The following DAPK2 variants were observed in gnomAD, a reference collection of about 807,000 sequenced individuals.
The protein encoded by DAPK2 is death associated protein kinase 2.
In DAPK2, 35 loss-of-function variants were observed where a neutral mutation model predicts 44.1. The observed-to-expected ratio is 0.79, with a 90% CI of 0.61 to 1.05. The LOEUF is 1.05. Among genes scored for constraint, DAPK2 ranks in the 50% least tolerant of loss-of-function variants. The pLI is 0.00. For synonymous variants in DAPK2, 174 were observed against 182.6 expected (o/e 0.95, Z 0.38); for missense variants, 453 against 483.2 (o/e 0.94, Z 0.59).
chr15:63,914,682 T>A (rs1024224962), intron 8 of DAPK2, among the ~76,000 whole-genome samples: 2 of 152,120 alleles, frequency 1.3e-5, no homozygotes, highest in African/African-American at 4.8e-5. Context: ...TTTCTACCTC[T>A]CTGCTTCCTG....
upstream of DAPK2, among the ~76,000 whole-genome samples, chr15:64,042,490 C>G (rs551560843): frequency 1.3e-3 from 193 of 152,294 alleles, no homozygotes; most frequent in Non-Finnish European, 2.2e-3. The surrounding 1 kb of genome is among the most constrained non-coding windows in gnomAD (Gnocchi z 4.7). Context: ...GTCCCAGGAA[C>G]AGCTAAGATC....
intron 1 of DAPK2, among the ~76,000 whole-genome samples, chr15:64,001,498 G>A (rs781689122): frequency 5.3e-5 from 8 of 152,134 alleles, no homozygotes; most frequent in African/African-American, 9.7e-5. Context: ...CACTTGAGGA[G>A]GATGGGAAGG....
chr15:64,012,281 C>G lies in DAPK2; in HGVS notation c.92+27889G>C, dbSNP rs538673968. ...TTTATCAAACATTCAGTAAAATAGT[C>G]TACGTGGCTTATATGCCACATGCAT... On this transcript the variant is annotated intron_variant, in intron 1 of 10. Transcript: ENST00000261891. Among the ~76,000 whole-genome samples the G allele has an allele frequency of 5.9e-5, 9 of 152,318 alleles. No individual in the cohort carries two copies. The South Asian group carries it at 1.9e-3, about 32-fold the overall frequency.
At chr15:64,004,952 A>C (rs2079186994) in intron 1 of DAPK2, among the ~76,000 whole-genome samples, 2 of 152,154 alleles carry the variant, frequency 1.3e-5, no homozygotes, top group African/African-American at 4.8e-5. Context: ...CTTTGAGATG[A>C]AGGTTTTCAT....
chr15:63,987,876 TC>T (rs1178084413), intron 1 of DAPK2, among the ~76,000 whole-genome samples: 3 of 152,106 alleles, frequency 2.0e-5, no homozygotes, highest in Non-Finnish European at 2.9e-5. Context: ...TCCTTCTTTG[TC>T]ACATGGGGAT....
At chr15:63,949,995 C>G (rs745990503) in intron 3 of DAPK2, among the ~76,000 whole-genome samples, 1 of 152,184 alleles carries the variant, frequency 6.6e-6, no homozygotes, top group African/African-American at 2.4e-5. Context: ...GCTGTGACTG[C>G]TGATAGAAAC....
intron 6 of DAPK2, among the ~76,000 whole-genome samples, chr15:63,927,500 C>T (rs1163831532): frequency 4.6e-5 from 7 of 152,300 alleles, no homozygotes; most frequent in African/African-American, 1.7e-4. Context: ...AAACCAGTGG[C>T]TCCCCATCTG....
chr15:63,971,870 T>C (rs939819056), intron 2 of DAPK2, among the ~76,000 whole-genome samples: 3 of 152,236 alleles, frequency 2.0e-5, no homozygotes, highest in East Asian at 1.9e-4. Flanking sequence ...TCCATATGCC[T>C]GAGATGGCAG....
chr15:63,925,814 G>C (rs1279644372), intron 7 of DAPK2, 127 bp downstream of exon 8: 5 of 1,223,082 alleles, frequency 4.1e-6, no homozygotes, highest in Non-Finnish European at 5.8e-6. Flanking sequence ...TCCAGCACCT[G>C]CCCGGATTAG....
intron 1 of DAPK2, among the ~76,000 whole-genome samples, chr15:64,008,682 G>A (rs2079304740): frequency 6.6e-6 from 1 of 152,252 alleles, no homozygotes; most frequent in South Asian, 2.1e-4. Context: ...CAAATGATAT[G>A]TATGGTTTGA....
chr15:64,036,271 A>G (rs866033259), intron 1 of DAPK2, among the ~76,000 whole-genome samples: 42 of 85,338 alleles, frequency 4.9e-4, no homozygotes, highest in Admixed American at 1.1e-3. Flanking sequence ...AAATATATAT[A>G]TATGTGTGTG....
intron 3 of DAPK2, among the ~76,000 whole-genome samples, chr15:63,946,779 C>T (rs1334190379): frequency 1.3e-5 from 2 of 152,176 alleles, no homozygotes; most frequent in African/African-American, 2.4e-5. Context: ...CTGCTCTGCT[C>T]AGCAAAGCAG....
intron 3 of DAPK2, among the ~76,000 whole-genome samples, chr15:63,965,711 G>A (rs2140681327): frequency 6.6e-6 from 1 of 152,268 alleles, no homozygotes; most frequent in South Asian, 2.1e-4. Flanking sequence ...ACAAGCGGAG[G>A]CATCTCCCCC....
intron 1 of DAPK2, among the ~76,000 whole-genome samples, chr15:64,018,690 T>A (rs1045668390): frequency 6.6e-6 from 1 of 152,200 alleles, no homozygotes; most frequent in Non-Finnish European, 1.5e-5. Context: ...AAGGCCAGGA[T>A]CCTACCTGTA....
chr15:63,984,509 G>T (rs1376605612), intron 1 of DAPK2, among the ~76,000 whole-genome samples: 1 of 152,152 alleles, frequency 6.6e-6, no homozygotes, highest in East Asian at 1.9e-4. Context: ...TTCCCTGAGT[G>T]CTCCAGGGGC....
Position 63,924,888 on chromosome 15 carries a change from T to A in DAPK2, c.813-27A>T, listed in dbSNP as rs758367811. Reference sequence around the variant, plus strand: ...TGCAATGAGGATTGGGAAACAGTGATGATCCATGAGGACAGAAGTTGGGAG... The same window carrying A: ...TGCAATGAGGATTGGGAAACAGTGAAGATCCATGAGGACAGAAGTTGGGAG... On this transcript the variant is annotated intron_variant, in intron 7 of 10. Coordinates refer to ENST00000261891, the Ensembl canonical transcript of DAPK2. The A allele has an allele frequency of 3.7e-6, 6 of 1,613,582 alleles. No homozygotes were observed. The Admixed American group carries it at 6.7e-5, about 18-fold the overall frequency.
intron 7 of DAPK2, 95 bp downstream of exon 8, chr15:63,925,846 G>A (rs2079241908): frequency 6.7e-7 from 1 of 1,493,688 alleles, no homozygotes; most frequent in East Asian, 2.3e-5. Context: ...GCAGATGACA[G>A]CTATGTCAAA....
chr15:64,023,655 G>A (rs1167777360), intron 1 of DAPK2, among the ~76,000 whole-genome samples: 1 of 152,178 alleles, frequency 6.6e-6, no homozygotes, highest in African/African-American at 2.4e-5. Flanking sequence ...AAATACTGAT[G>A]CCAGGGCCTC....
chr15:63,985,154 G>A (rs1164146913), intron 1 of DAPK2, among the ~76,000 whole-genome samples: 2 of 152,142 alleles, frequency 1.3e-5, no homozygotes, highest in African/African-American at 2.4e-5. Context: ...AGGTACAGAT[G>A]GAGCTCTAGG....
Sources: allele counts gnomAD v4.1 joint callset (sites outside exome capture counted in the v4.1 genomes callset), GRCh38; gene constraint gnomAD v4.1.1; non-coding constraint Gnocchi (gnomAD v3.1); transcripts MANE v1.5; gene names NCBI Gene and HGNC (gene_info 2026-07-23, HGNC 2026-07-21).